The following PPARGC1A variants were observed in gnomAD, a reference collection of about 807,000 sequenced individuals.
The protein encoded by PPARGC1A is peroxisome proliferator-activated receptor gamma coactivator 1-alpha.
A neutral mutation model predicts 88.7 loss-of-function variants in PPARGC1A; 25 were observed. The ratio of observed to expected loss-of-function variants is 0.28; its 90% CI spans 0.21 to 0.39. The LOEUF (loss-of-function observed/expected upper bound fraction) is 0.39, where lower values mean the gene tolerates loss of function less well. Ranked by LOEUF, PPARGC1A falls within the 10% of genes least tolerant of loss-of-function variation. The pLI, the probability that PPARGC1A is intolerant of heterozygous loss-of-function variation, is 1.00. For synonymous variants in PPARGC1A, 363 were observed against 355.6 expected, an observed-to-expected ratio of 1.02 and a Z score of -0.24; for missense variants, 880 against 968.7, an observed-to-expected ratio of 0.91 and a Z score of 1.22.
intron 10 of PPARGC1A, among the ~76,000 whole-genome samples, chr4:23,811,920 TTTTTTTTTTTTTTTTG>T (rs1720982699): frequency 1.2e-4 from 7 of 57,868 alleles, no homozygotes; most frequent in East Asian, 9.2e-4. Flanking sequence ...TTTTTTTTTT[TTTTTTTTTTTTTTTTG>T]AGACAGAGTC....
the PPARGC1A span, among the ~76,000 whole-genome samples, chr4:24,385,228 G>C: frequency 1.3e-5 from 2 of 152,080 alleles, no homozygotes; most frequent in African/African-American, 2.4e-5. Context: ...GAATCTCTGG[G>C]GCACCGCTAA....
At chr4:24,219,360 G>A in the PPARGC1A span, among the ~76,000 whole-genome samples, 604 of 152,290 alleles carry the variant, frequency 4.0e-3, 4 homozygotes, top group African/African-American at 0.014. Context: ...AATGCCTGCA[G>A]GCTGGGATTG....
the PPARGC1A span, among the ~76,000 whole-genome samples, chr4:24,164,910 G>A: frequency 4.6e-5 from 7 of 152,156 alleles, no homozygotes; most frequent in Admixed American, 4.6e-4. Flanking sequence ...ACATTTTGCA[G>A]AGCAAGTGCA....
In PPARGC1A at chr4:23,858,534, A is replaced by G. The variant is rs79291648; in HGVS notation, c.234+26218T>C. Among the ~76,000 whole-genome samples the G allele has an allele frequency of 7.1e-3, 1,088 of 152,334 alleles. 9 individuals carry two copies. Among genetic ancestry groups the G allele is most frequent in the African/African-American group, 0.025 (1,028 of 41,576 alleles). On this transcript the variant is annotated intron_variant, in intron 2 of 12. Transcript: ENST00000264867. ...CATTGCCTTTAGGTTCTTGGGATAC[A>G]AAGAGAAGAGAAGGTTGCTGACCTC...
At chr4:24,197,427 G>T in the PPARGC1A span, among the ~76,000 whole-genome samples, 1 of 152,180 alleles carries the variant, frequency 6.6e-6, no homozygotes, top group African/African-American at 2.4e-5. Context: ...AATTTCCACA[G>T]AGGAAAAGGG....
the PPARGC1A span, among the ~76,000 whole-genome samples, chr4:24,053,468 G>A: frequency 1.4e-5 from 2 of 147,114 alleles, no homozygotes; most frequent in Non-Finnish European, 3.0e-5. Flanking sequence ...CTTTCTTTAG[G>A]CCTTAGGAGA....
At chr4:24,107,223 A>G in the PPARGC1A span, among the ~76,000 whole-genome samples, 2 of 152,254 alleles carry the variant, frequency 1.3e-5, no homozygotes, top group Non-Finnish European at 2.9e-5. Flanking sequence ...AATATACTGT[A>G]TTCACTTGTG....
intron 10 of PPARGC1A, among the ~76,000 whole-genome samples, chr4:23,803,556 C>T (rs1719179425): frequency 6.6e-6 from 1 of 152,046 alleles, no homozygotes; most frequent in South Asian, 2.1e-4. Context: ...TTTTACAGCA[C>T]AGAAATGCAT....
At chr4:23,881,399 G>A (rs549926877) in intron 2 of PPARGC1A, 1 of 152,218 alleles carries the variant, frequency 6.6e-6, no homozygotes, top group African/African-American at 2.4e-5. Context: ...ATTGCATGTT[G>A]CTACCCCTCT....
chr4:24,130,939 C>T, the PPARGC1A span, among the ~76,000 whole-genome samples: 2 of 152,264 alleles, frequency 1.3e-5, no homozygotes, highest in Non-Finnish European at 2.9e-5. Context: ...AGTGCTCTCA[C>T]CACTCTGTGC....
chr4:23,935,905 A>G, the PPARGC1A span, among the ~76,000 whole-genome samples: 1 of 152,156 alleles, frequency 6.6e-6, no homozygotes, highest in African/African-American at 2.4e-5. Context: ...GTTGGTTAAC[A>G]TCTAAATGTT....
the PPARGC1A span, among the ~76,000 whole-genome samples, chr4:24,429,112 G>A: frequency 5.9e-4 from 90 of 152,304 alleles, no homozygotes; most frequent in African/African-American, 1.9e-3. Flanking sequence ...AGCAGGCACT[G>A]GGCGAGGTAG....
chr4:24,316,700 T>G, the PPARGC1A span, among the ~76,000 whole-genome samples: 1 of 152,238 alleles, frequency 6.6e-6, no homozygotes, highest in Admixed American at 6.5e-5. Context: ...CGTCATCAGC[T>G]GCAGAATGGG....
the PPARGC1A span, among the ~76,000 whole-genome samples, chr4:24,200,793 A>G: frequency 6.6e-6 from 1 of 152,200 alleles, no homozygotes; most frequent in Admixed American, 6.5e-5. Context: ...GAAAGATTTC[A>G]GAGTTTAAAA....
At chr4:24,442,425 AT>A in the PPARGC1A span, among the ~76,000 whole-genome samples, 35 of 152,352 alleles carry the variant, frequency 2.3e-4, no homozygotes, top group Admixed American at 2.0e-3. Context: ...GATAGTTTTA[AT>A]TCGTAATCTT....
the PPARGC1A span, among the ~76,000 whole-genome samples, chr4:24,437,142 A>G: frequency 6.6e-5 from 10 of 152,342 alleles, no homozygotes; most frequent in Admixed American, 5.9e-4. Flanking sequence ...ACGCATGGCA[A>G]TGTCAGATTG....
At chr4:24,338,518 G>A in the PPARGC1A span, among the ~76,000 whole-genome samples, 3 of 152,076 alleles carry the variant, frequency 2.0e-5, no homozygotes, top group Admixed American at 6.5e-5. Flanking sequence ...TTAAGCCTCC[G>A]TGCTTCATCC....
the PPARGC1A span, among the ~76,000 whole-genome samples, chr4:24,207,299 C>T: frequency 1.3e-5 from 2 of 152,190 alleles, no homozygotes; most frequent in South Asian, 2.1e-4. Context: ...TGACAGAAAC[C>T]GCATGCATAC....
At chr4:24,280,620 G>A in the PPARGC1A span, among the ~76,000 whole-genome samples, 5 of 152,162 alleles carry the variant, frequency 3.3e-5, no homozygotes, top group Non-Finnish European at 5.9e-5. Context: ...AATAGTGGTC[G>A]GGAAGATAAC....
Sources: allele counts gnomAD v4.1 joint callset (sites outside exome capture counted in the v4.1 genomes callset), GRCh38; gene constraint gnomAD v4.1.1; transcripts MANE v1.5; gene names NCBI Gene and HGNC (gene_info 2026-07-23, HGNC 2026-07-21).